Variants in IMPG2 observed in about 807,000 individuals in gnomAD.
The protein encoded by IMPG2 is IPM 200.
Under a neutral mutation model 129.2 loss-of-function variants are expected in IMPG2, and 91 were observed. That is an observed-to-expected ratio of 0.70 (90% CI 0.59 to 0.84). The LOEUF (loss-of-function observed/expected upper bound fraction) is 0.84. IMPG2 is among the 40% of genes least tolerant of loss of function. The pLI is 0.00. For missense variants in IMPG2, 1,430 were observed against 1,461.7 expected (o/e 0.98, Z 0.35); for synonymous variants, 510 against 517.7 (o/e 0.99, Z 0.20).
At chr3:101,232,608 G>A (rs1706301263) in intron 15 of IMPG2, among the ~76,000 whole-genome samples, 173 bp downstream of exon 15, 2 of 151,870 alleles carry the variant, frequency 1.3e-5, no homozygotes. Context: ...TGAAATTCAG[G>A]CCTGTTAAAC....
chr3:101,272,063 G>T (rs1397567170), intron 7 of IMPG2, among the ~76,000 whole-genome samples: 2 of 151,464 alleles, frequency 1.3e-5, no homozygotes, highest in Non-Finnish European at 2.9e-5. Context: ...GTTATCCCAA[G>T]CCTATCATGC....
At chr3:101,289,234 G>C (rs971868673) in intron 4 of IMPG2, among the ~76,000 whole-genome samples, 5 of 152,040 alleles carry the variant, frequency 3.3e-5, no homozygotes, top group Non-Finnish European at 7.4e-5. Flanking sequence ...TACTAACTTA[G>C]GTTTTTGGTT....
At chr3:101,254,597 C>T (rs1318637859) in intron 10 of IMPG2, among the ~76,000 whole-genome samples, 1 of 152,110 alleles carries the variant, frequency 6.6e-6, no homozygotes, top group Non-Finnish European at 1.5e-5. Flanking sequence ...CCTGTTCCCA[C>T]TGGCCTCACA....
rs1706448044 is a variant in IMPG2, at chr3:101,244,296, C to A, written c.2035G>T (p.Glu679Ter). ...HDDRSTHFPE[E>*]EPLSGPAVPI... ...ACAGCAGGCCCACTAAGAGGCTCTTCCTCTGGAAAGTGTGTGGATCTGTCA... is the reference window on the plus strand; with the variant it reads ...ACAGCAGGCCCACTAAGAGGCTCTTACTCTGGAAAGTGTGTGGATCTGTCA... The change falls in exon 13 of 19, where the codon GAA becomes TAA. Residue 679 changes from glutamate to a stop codon, truncating the protein, a stop_gained. Transcript: ENST00000193391. LOFTEE classifies it high-confidence loss of function. 6.2e-7 allele frequency: 1 copy of A among 1,614,006 alleles called. No homozygotes were observed. Among genetic ancestry groups the A allele is most frequent in the African/African-American group, 1.3e-5 (1 of 75,034 alleles).
chr3:101,270,515 G>A (rs1347217418), intron 7 of IMPG2, among the ~76,000 whole-genome samples: 2 of 152,144 alleles, frequency 1.3e-5, no homozygotes, highest in African/African-American at 4.8e-5. Context: ...AGTGACTGGA[G>A]GTGGAAAATA....
At chr3:101,302,321 C>T (rs1285567502) in intron 3 of IMPG2, among the ~76,000 whole-genome samples, 1 of 152,190 alleles carries the variant, frequency 6.6e-6, no homozygotes, top group Non-Finnish European at 1.5e-5. Flanking sequence ...ATATTTGCCA[C>T]ACTAATGGCT....
At chr3:101,301,869 G>A (rs750641404) in intron 3 of IMPG2, among the ~76,000 whole-genome samples, 3 of 152,162 alleles carry the variant, frequency 2.0e-5, no homozygotes, top group East Asian at 1.9e-4. Context: ...AAACCGTAAC[G>A]ACCTTTTTAA....
intron 6 of IMPG2, among the ~76,000 whole-genome samples, chr3:101,274,280 T>C (rs1706819822): frequency 6.6e-6 from 1 of 152,098 alleles, no homozygotes; most frequent in Non-Finnish European, 1.5e-5. Context: ...TAGAATATAA[T>C]ACAGTCTAAT....
chr3:101,230,159 A>G (rs1039268434), intron 16 of IMPG2, among the ~76,000 whole-genome samples: 1 of 152,208 alleles, frequency 6.6e-6, no homozygotes, highest in African/African-American at 2.4e-5. Context: ...TATAATAACA[A>G]TGACGGAGGT....
intron 14 of IMPG2, among the ~76,000 whole-genome samples, chr3:101,235,519 G>A (rs1164329970): frequency 6.6e-6 from 1 of 152,134 alleles, no homozygotes; most frequent in Non-Finnish European, 1.5e-5. Flanking sequence ...CTATACATTA[G>A]GAAAAAGATA....
chr3:101,276,631 A>T, intron 5 of IMPG2, 33 bp downstream of exon 5: 1 of 1,478,886 alleles, frequency 6.8e-7, no homozygotes, highest in Non-Finnish European at 9.4e-7. Context: ...AAATAATTTT[A>T]AAAGAAAAGT....
At chr3:101,316,088 T>C (rs2058782689) in intron 2 of IMPG2, among the ~76,000 whole-genome samples, 1 of 151,988 alleles carries the variant, frequency 6.6e-6, no homozygotes, top group South Asian at 2.1e-4. Flanking sequence ...TTAACTTTGA[T>C]CCATATGTCA....
chr3:101,228,270 A>T (rs1233285361), intron 18 of IMPG2, among the ~76,000 whole-genome samples: 1 of 152,212 alleles, frequency 6.6e-6, no homozygotes, highest in African/African-American at 2.4e-5. Context: ...GTTTAATGAG[A>T]TTTGTAATTC....
chr3:101,280,711 C>G (rs1296426350), intron 4 of IMPG2, among the ~76,000 whole-genome samples: 1 of 151,916 alleles, frequency 6.6e-6, no homozygotes, highest in East Asian at 1.9e-4. Flanking sequence ...TTTGGGAGGC[C>G]GAGGTGGACG....
At chr3:101,311,980 G>C (rs1310357834) in intron 2 of IMPG2, among the ~76,000 whole-genome samples, 1 of 151,818 alleles carries the variant, frequency 6.6e-6, no homozygotes, top group Non-Finnish European at 1.5e-5. Context: ...TGGAGAACTG[G>C]ATAGCCACAT....
In IMPG2 at chr3:101,244,235, G is replaced by A. The variant is rs763724746; in HGVS notation, c.2096C>T (p.Ser699Phe). 1.2e-6 allele frequency: 2 copies of A among 1,613,852 alleles called. No homozygotes were observed. The highest frequency in any genetic ancestry group is 2.7e-5 in the African/African-American group (2 of 74,926). The change falls in exon 13 of 19, where the codon TCT becomes TTT. Residue 699 changes from serine to phenylalanine, a missense_variant. Ser to Phe is a radical substitution (Grantham distance 155). Transcript: ENST00000193391. The part of the protein sequence containing the change: ...IFADTAAESA[S>F]LTLPKHISEV... ...TGATATGTGCTTGGGGAGGGTTAGA[G>A]ACGCAGATTCAGCTGCAGTATCTGC...
At chr3:101,237,286 G>A (rs114494870) in intron 14 of IMPG2, among the ~76,000 whole-genome samples, 3,984 of 152,234 alleles carry the variant, frequency 0.026, 172 homozygotes, top group African/African-American at 0.091. Flanking sequence ...AGCTGTAGGC[G>A]CAGTTTCAGC....
At chr3:101,315,605 A>T (rs2058780748) in intron 2 of IMPG2, among the ~76,000 whole-genome samples, 1 of 152,128 alleles carries the variant, frequency 6.6e-6, no homozygotes, top group South Asian at 2.1e-4. Flanking sequence ...AAGATATCTC[A>T]TGTCTATGCA....
At chr3:101,305,212 C>T (rs1182792872) in intron 2 of IMPG2, among the ~76,000 whole-genome samples, 1 of 152,032 alleles carries the variant, frequency 6.6e-6, no homozygotes, top group Non-Finnish European at 1.5e-5. Context: ...CTTTAATGCA[C>T]ATTGCTAAGT....
Sources: allele counts gnomAD v4.1 joint callset (sites outside exome capture counted in the v4.1 genomes callset), GRCh38; gene constraint gnomAD v4.1.1; transcripts MANE v1.5; gene names NCBI Gene and HGNC (gene_info 2026-07-23, HGNC 2026-07-21).